Variants in PBX1 observed in about 807,000 individuals in gnomAD.
PBX1 encodes PBX homeobox 1.
In PBX1, 6 loss-of-function variants were observed where a neutral mutation model predicts 53.4. That is an observed-to-expected ratio of 0.11 (90% CI 0.06 to 0.22). The LOEUF is 0.22. Ranked by LOEUF, PBX1 falls within the 10% of genes least tolerant of loss-of-function variation. The pLI is 1.00. For synonymous variants in PBX1, 204 were observed against 212.3 expected (o/e 0.96, Z 0.34); for missense variants, 251 against 551.4 (o/e 0.46, Z 5.46).
rs747326627 is a variant in PBX1, at chr1:164,870,214, TTTC to T, written n.258-28971_258-28969del. Among the ~76,000 whole-genome samples, 67 of 82,446 alleles carry T rather than the reference TTTC, an allele frequency of 8.1e-4. 3 individuals carry two copies. The highest frequency in any genetic ancestry group is 1.6e-3 in the Admixed American group (10 of 6,324). The allele number at this position is 82,446 out of a possible 152,430, so 54.1% of individuals were successfully genotyped here. A position where few individuals can be genotyped will look rare whatever the true frequency, so the allele number is the denominator to read the frequency against. On this transcript the variant is annotated intron_variant and non_coding_transcript_variant, in intron 2 of 2. Coordinates refer to the PBX1 transcript ENST00000558796. ...TGACTTTCTTTCTTTCTTTCTTTTC[TTTC>T]TTTCCTTCCTTCCTTCCTTCCTTCC...
At chr1:164,677,713 G>A (rs906540806) in intron 2 of PBX1, among the ~76,000 whole-genome samples, 1 of 152,050 alleles carries the variant, frequency 6.6e-6, no homozygotes, top group Non-Finnish European at 1.5e-5. Flanking sequence ...AGAAATCTTA[G>A]TGTGTGCAGG....
chr1:164,651,402 A>T (rs560490052), intron 2 of PBX1, among the ~76,000 whole-genome samples: 2 of 151,306 alleles, frequency 1.3e-5, no homozygotes, highest in Non-Finnish European at 2.9e-5. Context: ...TGTTTATTTC[A>T]TCTCGCGTGG....
intron 2 of PBX1, among the ~76,000 whole-genome samples, chr1:164,686,100 G>C (rs1662075924): frequency 6.6e-6 from 1 of 152,124 alleles, no homozygotes; most frequent in Non-Finnish European, 1.5e-5. Flanking sequence ...TCTATTAAGG[G>C]GAGAGCTACC....
intron 2 of PBX1, among the ~76,000 whole-genome samples, chr1:164,765,272 T>C (rs1487940421): frequency 6.6e-6 from 1 of 152,186 alleles, no homozygotes; most frequent in African/African-American, 2.4e-5. Context: ...ACAAATTGCT[T>C]CTGGTATATG....
intron 2 of PBX1, among the ~76,000 whole-genome samples, chr1:164,698,982 C>T (rs1304590222): frequency 6.6e-6 from 1 of 152,178 alleles, no homozygotes; most frequent in African/African-American, 2.4e-5. Flanking sequence ...ATGCTATCAG[C>T]TATAGCACTA....
At chr1:164,723,154 G>C (rs571752526) in intron 2 of PBX1, among the ~76,000 whole-genome samples, 6 of 152,138 alleles carry the variant, frequency 3.9e-5, no homozygotes, top group Admixed American at 1.3e-4. Context: ...CCCAGATTGG[G>C]CATTATGCAT....
chr1:164,831,364 A>G (rs1285245204), intron 8 of PBX1: 2 of 149,996 alleles, frequency 1.3e-5, no homozygotes, highest in Non-Finnish European at 2.9e-5. Context: ...AATCATAAGT[A>G]TCCATTCTCT....
chr1:164,727,509 C>T (rs1571297189), intron 2 of PBX1, among the ~76,000 whole-genome samples: 1 of 152,192 alleles, frequency 6.6e-6, no homozygotes, highest in African/African-American at 2.4e-5. Flanking sequence ...TTTGCCTCAT[C>T]CACTTGCCAG....
intron 8 of PBX1, among the ~76,000 whole-genome samples, chr1:164,843,625 T>C (rs867496744): frequency 6.6e-6 from 1 of 152,166 alleles, no homozygotes; most frequent in African/African-American, 2.4e-5. Flanking sequence ...TTATATATTC[T>C]TCACTAGGCC....
At chr1:164,764,849 GCTA>G (rs1432152691) in intron 2 of PBX1, among the ~76,000 whole-genome samples, 1 of 152,120 alleles carries the variant, frequency 6.6e-6, no homozygotes, top group Non-Finnish European at 1.5e-5. Flanking sequence ...CATTATTGCA[GCTA>G]CTGTTTCAGT....
intron 2 of PBX1, among the ~76,000 whole-genome samples, chr1:164,737,893 C>T (rs1186819255): frequency 1.3e-5 from 2 of 152,158 alleles, no homozygotes; most frequent in Non-Finnish European, 2.9e-5. Flanking sequence ...ACCTTCCCCA[C>T]CTCCCCCCAA....
intron 2 of PBX1, among the ~76,000 whole-genome samples, chr1:164,584,676 G>T (rs754034343): frequency 2.1e-4 from 32 of 152,248 alleles, no homozygotes; most frequent in Middle Eastern, 3.4e-3. Context: ...AGGTAGAATG[G>T]GAGGTGTGCA....
chr1:164,685,451 G>T (rs1014258464), intron 2 of PBX1, among the ~76,000 whole-genome samples: 1 of 152,126 alleles, frequency 6.6e-6, no homozygotes, highest in Admixed American at 6.6e-5. Flanking sequence ...GCTTCCTGTG[G>T]TGGAAGAAAT....
intron 2 of PBX1, among the ~76,000 whole-genome samples, chr1:164,599,214 C>T (rs1015336622): frequency 1.3e-5 from 2 of 151,694 alleles, no homozygotes; most frequent in South Asian, 2.1e-4. Flanking sequence ...GCATGAACTC[C>T]AGTTCTTTCT....
intron 2 of PBX1, among the ~76,000 whole-genome samples, chr1:164,697,506 T>G (rs921543552): frequency 2.0e-5 from 3 of 152,240 alleles, no homozygotes; most frequent in African/African-American, 7.2e-5. Context: ...TCCCCTTCTC[T>G]TCACTAAATT....
At chr1:164,650,965 A>C (rs1659775136) in intron 2 of PBX1, among the ~76,000 whole-genome samples, 1 of 151,092 alleles carries the variant, frequency 6.6e-6, no homozygotes. Flanking sequence ...TTGCTCAGAA[A>C]AAAAAAAAAT....
chr1:164,762,286 C>T (rs1311716757), intron 2 of PBX1, among the ~76,000 whole-genome samples: 1 of 152,056 alleles, frequency 6.6e-6, no homozygotes, highest in Non-Finnish European at 1.5e-5. Flanking sequence ...GCTCTGATGC[C>T]CTAGGTCAAT....
intron 2 of PBX1, among the ~76,000 whole-genome samples, chr1:164,788,384 G>A (rs767771880): frequency 7.4e-5 from 11 of 148,598 alleles, no homozygotes; most frequent in Non-Finnish European, 1.5e-4. Context: ...TTTAATGTTG[G>A]TGTTTTTTTT....
intron 2 of PBX1, among the ~76,000 whole-genome samples, chr1:164,698,370 C>A (rs80176814): frequency 1.3e-5 from 2 of 152,272 alleles, no homozygotes; most frequent in East Asian, 3.9e-4. Context: ...CAATTTCGTA[C>A]ATTGTAGTTC....
Sources: gnomAD v4.1 joint callset for allele counts (sites outside exome capture counted in the v4.1 genomes callset) on GRCh38, gnomAD v4.1.1 for gene constraint, MANE v1.5 for transcripts, NCBI Gene and HGNC (gene_info 2026-07-23, HGNC 2026-07-21) for gene names.